The following LYSMD4 variants were observed in gnomAD, a reference collection of about 807,000 sequenced individuals.
LYSMD4 encodes the protein lysM and putative peptidoglycan-binding domain-containing protein 4.
Under a neutral mutation model 6.1 loss-of-function variants are expected in LYSMD4, and 9 were observed. That is an observed-to-expected ratio of 1.47 (90% CI 0.88 to 2.56). The LOEUF (loss-of-function observed/expected upper bound fraction) is 2.56. LYSMD4 is among the 30% of genes most tolerant of loss of function. The pLI, the probability that LYSMD4 is intolerant of heterozygous loss-of-function variation, is 0.00. For synonymous variants in LYSMD4, 143 were observed against 148.5 expected (o/e 0.96, Z 0.27); for missense variants, 384 against 373.5 (o/e 1.03, Z -0.23).
intron 2 of LYSMD4, 133 bp downstream of exon 2, chr15:99,731,585 T>C (rs921801917): frequency 6.6e-7 from 1 of 1,524,754 alleles, no homozygotes; most frequent in African/African-American, 1.4e-5. Context: ...AATAGGGGAG[T>C]CCTTGGCTGC....
At chr15:99,730,380 A>G (rs549874343) in intron 2 of LYSMD4, among the ~76,000 whole-genome samples, 1 of 152,234 alleles carries the variant, frequency 6.6e-6, no homozygotes, top group South Asian at 2.1e-4. Flanking sequence ...TCAAGTAACA[A>G]AGTTCATGAC....
At position 99,729,561 on chromosome 15, in the gene LYSMD4, C is replaced by A. The variant is rs1252692535; in HGVS notation, c.453G>T (p.Glu151Asp). 6.2e-7 allele frequency: 1 copy of A among 1,614,168 alleles called. No individual in the cohort carries two copies. The highest frequency in any genetic ancestry group is 1.7e-5 in the Admixed American group (1 of 60,026). The change falls in exon 3 of 3, where the codon GAG becomes GAT. Residue 151 changes from glutamate to aspartate, a missense_variant. By Grantham distance (45) the Glu-to-Asp change is conservative. Coordinates refer to ENST00000684762, the MANE Select transcript of LYSMD4 (RefSeq NM_001284417.2). ...CGGTGCCCGCGCCTGCTCTGTCTGC[C>A]TCTGGCAGTTCCACGGTCACTGTGG... Reference protein sequence around the residue: ...SETTVTVELPEADRAGAGTGA... With the variant: ...SETTVTVELPDADRAGAGTGA...
At chr15:99,716,705 C>A (rs979481728) in exon 1 of LYSMD4, 32 of 456,616 alleles carry the variant, frequency 7.0e-5, no homozygotes, top group African/African-American at 5.4e-4. Flanking sequence ...TGCTGGGCAG[C>A]CCTGGAGCCC....
chr15:99,727,711 G>GT lies in LYSMD4; in HGVS notation c.*1411dup, dbSNP rs2059303206. 2.0e-5 allele frequency: 3 copies of GT among 152,244 alleles called. No individual in the cohort carries two copies. The highest frequency in any genetic ancestry group is 1.3e-4 in the Admixed American group (2 of 15,278). 9.4% of individuals were successfully genotyped at this position (152,244 alleles called of 1,614,324 possible). ...TTTGCTAATGGAACCCAGGCCAGCT[G>GT]TTTTTTCACACAACTGAAAGGAGAG... is the stretch of plus-strand genomic sequence containing the variant. On this transcript the variant is annotated 3_prime_UTR_variant, in exon 3 of 3. Coordinates refer to ENST00000684762, the MANE Select transcript of LYSMD4 (RefSeq NM_001284417.2).
exon 2 of LYSMD4, chr15:99,716,470 CG>C: frequency 2.2e-6 from 1 of 456,838 alleles, no homozygotes; most frequent in Non-Finnish European, 4.4e-6. Flanking sequence ...CCAGTAAAGA[CG>C]GACTGGCTCT....
At chr15:99,719,304 C>T (rs1004364445), upstream of LYSMD4, among the ~76,000 whole-genome samples, 2 of 152,136 alleles carry the variant, frequency 1.3e-5, no homozygotes, top group Admixed American at 6.5e-5. Flanking sequence ...ATTTCACTTT[C>T]GGCACCCTCC....
At chr15:99,729,856 G>C (rs1567554467) in intron 2 of LYSMD4, 125 bp from the exon 3 acceptor site, 1 of 1,252,156 alleles carries the variant, frequency 8.0e-7, no homozygotes, top group Non-Finnish European at 1.1e-6. Context: ...ATCTGATGAA[G>C]ACTGGAAAAC....
chr15:99,718,925 ACAC>A (rs1567544517), upstream of LYSMD4, among the ~76,000 whole-genome samples: 1 of 151,586 alleles, frequency 6.6e-6, no homozygotes, highest in Non-Finnish European at 1.5e-5. Flanking sequence ...ACACACACAC[ACAC>A]ACACACACAC....
At chr15:99,720,766 T>C (rs1189631383), upstream of LYSMD4, 1 of 152,220 alleles carries the variant, frequency 6.6e-6, no homozygotes, top group Non-Finnish European at 1.5e-5. Context: ...AGATGGAATC[T>C]GATGAGACCG....
At chr15:99,726,833 G>C (rs966591833), downstream of LYSMD4, among the ~76,000 whole-genome samples, 2 of 152,136 alleles carry the variant, frequency 1.3e-5, no homozygotes, top group Admixed American at 1.3e-4. Context: ...GAAGTATCGT[G>C]GTTATTTCTT....
chr15:99,731,548 C>CT, intron 2 of LYSMD4, 170 bp downstream of exon 2: 1 of 1,536,676 alleles, frequency 6.5e-7, no homozygotes, highest in Non-Finnish European at 8.7e-7. Context: ...ACTAAAGGTA[C>CT]TCCCACCTGC....
chr15:99,729,466 G>A lies in LYSMD4; in HGVS notation c.548C>T (p.Ser183Leu). 1 of 1,614,152 alleles carries A rather than the reference G, an allele frequency of 6.2e-7. No individual in the cohort carries two copies. Among genetic ancestry groups the A allele is most frequent in the Non-Finnish European group, 8.5e-7 (1 of 1,180,032 alleles). The change falls in exon 3 of 3, where the codon TCA becomes TTA. Residue 183 changes from serine to leucine, a missense_variant. Physicochemically the swap from Ser to Leu is moderately radical, Grantham distance 145. Transcript: ENST00000684762. ...GTAACTTTCATGTAGAAAGATTTCT[G>A]ACTGCACTGCACGCTCAATATCCTG... ...IDQDIERAVQ[S>L]EIFLHESYCM...
upstream of LYSMD4, among the ~76,000 whole-genome samples, chr15:99,722,055 C>T (rs1213764507): frequency 6.6e-6 from 1 of 152,072 alleles, no homozygotes; most frequent in Non-Finnish European, 1.5e-5. Flanking sequence ...GGGTACTGGC[C>T]TGTACATGCA....
chr15:99,731,188 C>T (rs768365939), intron 2 of LYSMD4: 1 of 1,612,858 alleles, frequency 6.2e-7, no homozygotes, highest in Non-Finnish European at 8.5e-7. Flanking sequence ...CATTGTTAAT[C>T]ACTCTGAATG....
In LYSMD4 at chr15:99,728,165, C is replaced by G. The variant is rs1232670238; in HGVS notation, c.*958G>C. ...CACCCAGAGAAAAAGGACGAAGCGG[C>G]CTTCTCACTCTGGAGCTCCGAAGAA... On this transcript the variant is annotated 3_prime_UTR_variant, in exon 3 of 3. Transcript: ENST00000684762. 2 of 152,488 alleles carry G rather than the reference C, an allele frequency of 1.3e-5. No homozygotes were observed. Among genetic ancestry groups the G allele is most frequent in the Non-Finnish European group, 2.9e-5 (2 of 68,234 alleles). The allele number at this position is 152,488 out of a possible 1,614,324, so 9.4% of individuals were successfully genotyped here.
chr15:99,722,218 G>A (rs952125923), upstream of LYSMD4, among the ~76,000 whole-genome samples: 6 of 152,086 alleles, frequency 3.9e-5, no homozygotes, highest in African/African-American at 9.7e-5. Context: ...GTGTGTGTTC[G>A]GTGGTGAGAC....
At chr15:99,716,663 G>C (rs1479524434) in exon 1 of LYSMD4, 1 of 456,648 alleles carries the variant, frequency 2.2e-6, no homozygotes. Context: ...CGCCCCCACT[G>C]GCCTCCCCCT....
rs2059351877 is a variant in LYSMD4, at chr15:99,729,585, G to C, written c.429C>G (p.Thr143=). 5 of 1,614,144 alleles carry C rather than the reference G, an allele frequency of 3.1e-6. No homozygotes were observed. In the East Asian group the frequency reaches 1.1e-4, roughly 36 times the overall value. The change falls in exon 3 of 3, where the codon ACC becomes ACG. Residue 143 remains threonine, a synonymous_variant. Transcript: ENST00000684762. ...CCTCTGGCAGTTCCACGGTCACTGT[G>C]GTCTCGGAAGACGGGCTCAGAAGGG... ...LKPLLSPSSE[T]TVTVELPEAD...
rs372884039 is a variant in LYSMD4 at position 99,732,772 on chromosome 15, G to A, written c.-9+573C>T. Among the ~76,000 whole-genome samples the A allele has an allele frequency of 2.2e-4, 34 of 152,370 alleles. No homozygotes were observed. In the East Asian group the frequency reaches 6.2e-3, roughly 28 times the overall value. On this transcript the variant is annotated intron_variant, in intron 1 of 2. Coordinates refer to ENST00000684762, the MANE Select transcript of LYSMD4 (RefSeq NM_001284417.2). Reference sequence around the variant, plus strand: ...GAAAAAGGTGGCTTCGGAGCCACAGGGGAGCAGCCCGTACGGGGACAGCCT... The same window carrying A: ...GAAAAAGGTGGCTTCGGAGCCACAGAGGAGCAGCCCGTACGGGGACAGCCT...
Sources: allele counts gnomAD v4.1 joint callset (sites outside exome capture counted in the v4.1 genomes callset), GRCh38; gene constraint gnomAD v4.1.1; transcripts MANE v1.5; gene names NCBI Gene and HGNC (gene_info 2026-07-23, HGNC 2026-07-21).